The following DPP10 variants were observed in gnomAD, a reference collection of about 807,000 sequenced individuals.
The protein encoded by DPP10 is dipeptidyl peptidase like 10.
Under a neutral mutation model 120.9 loss-of-function variants are expected in DPP10, and 33 were observed. The ratio of observed to expected loss-of-function variants is 0.27; its 90% CI spans 0.21 to 0.37. The LOEUF is 0.37. Among genes scored for constraint, DPP10 ranks in the 10% least tolerant of loss-of-function variants. The pLI is 1.00. For missense variants in DPP10, 816 were observed against 942.8 expected, an observed-to-expected ratio of 0.87 and a Z score of 1.76; for synonymous variants, 337 against 326.1, an observed-to-expected ratio of 1.03 and a Z score of -0.36.
intron 1 of DPP10, among the ~76,000 whole-genome samples, chr2:115,182,585 T>A (rs907678291): frequency 6.6e-6 from 1 of 152,202 alleles, no homozygotes; most frequent in Non-Finnish European, 1.5e-5. Flanking sequence ...CTGTTCTCAG[T>A]GATCTAACCT....
intron 1 of DPP10, among the ~76,000 whole-genome samples, chr2:115,181,900 G>A (rs772565507): frequency 3.7e-4 from 56 of 152,082 alleles, no homozygotes; most frequent in Non-Finnish European, 6.3e-4. Flanking sequence ...GGATAAAAGC[G>A]ATGTCATGAT....
chr2:115,740,143 T>C (rs1000570920), intron 9 of DPP10, among the ~76,000 whole-genome samples: 1 of 152,074 alleles, frequency 6.6e-6, no homozygotes, highest in Non-Finnish European at 1.5e-5. Flanking sequence ...CTCACTTTTA[T>C]TTTTTCACAC....
At chr2:114,752,074 G>A (rs533025279) in intron 1 of DPP10, among the ~76,000 whole-genome samples, 1 of 152,292 alleles carries the variant, frequency 6.6e-6, no homozygotes, top group South Asian at 2.1e-4. Flanking sequence ...GTTGTCTGGG[G>A]TGGGGCCAGG....
At chr2:115,419,788 G>T (rs566064475) in intron 3 of DPP10, among the ~76,000 whole-genome samples, 1 of 152,034 alleles carries the variant, frequency 6.6e-6, no homozygotes, top group Admixed American at 6.6e-5. Flanking sequence ...CTACAGAAAA[G>T]AAAGAACTAA....
chr2:115,084,291 A>T (rs554960572), intron 1 of DPP10, among the ~76,000 whole-genome samples: 2 of 152,352 alleles, frequency 1.3e-5, no homozygotes, highest in South Asian at 4.1e-4. Flanking sequence ...ACAAAAACAC[A>T]TAATAATGCG....
At chr2:114,875,561 A>G (rs1261768735) in intron 1 of DPP10, among the ~76,000 whole-genome samples, 3 of 152,116 alleles carry the variant, frequency 2.0e-5, no homozygotes, top group East Asian at 3.9e-4. Context: ...GAAAAATAAC[A>G]AATTTTGAGA....
chr2:115,577,650 GTCAAGGTGCCCACAGGGTTGGTGTCTTT>G (rs2081758566), intron 5 of DPP10, among the ~76,000 whole-genome samples: 1 of 152,116 alleles, frequency 6.6e-6, no homozygotes, highest in African/African-American at 2.4e-5. Flanking sequence ...GAAGTTTAAG[GTCAAGGTGCCCACAGGGTTGGTGTCTTT>G]TCAAGGTGCC....
rs149846021 is a variant in DPP10, at chr2:114,571,100, C to T, written c.60+128262C>T. 9.2e-4 allele frequency among the ~76,000 whole-genome samples: 140 copies of T among 152,088 alleles called. 1 individual carries two copies. The highest frequency in any genetic ancestry group is 7.5e-3 in the Admixed American group (115 of 15,272). ...TAAATAAGAACAGTTTGGGGTGATA[C>T]TTGATTTTGTTTGGATTCGTGCCCC... On this transcript the variant is annotated intron_variant, in intron 1 of 25. Coordinates refer to ENST00000410059, the MANE Select transcript of DPP10 (RefSeq NM_020868.6).
intron 1 of DPP10, among the ~76,000 whole-genome samples, chr2:114,866,870 G>C (rs898903989): frequency 6.6e-6 from 1 of 152,172 alleles, no homozygotes; most frequent in African/African-American, 2.4e-5. Context: ...TATATCTAAG[G>C]CTAGTTAATA....
chr2:114,607,009 G>A (rs1692866103), intron 1 of DPP10, among the ~76,000 whole-genome samples: 1 of 152,164 alleles, frequency 6.6e-6, no homozygotes. Context: ...AGCACTGACA[G>A]GATGATGGAG....
At chr2:114,593,890 C>A (rs541896238) in intron 1 of DPP10, among the ~76,000 whole-genome samples, 1 of 152,258 alleles carries the variant, frequency 6.6e-6, no homozygotes, top group South Asian at 2.1e-4. Context: ...AGTGCCTTTG[C>A]CTCACTGCTG....
intron 1 of DPP10, among the ~76,000 whole-genome samples, chr2:114,838,656 C>T (rs72832420): frequency 1.6e-3 from 242 of 152,026 alleles, no homozygotes; most frequent in Non-Finnish European, 3.0e-3. Context: ...TTTAAAATAC[C>T]GAAAGGTATA....
chr2:114,962,350 A>G (rs1404636052), intron 1 of DPP10, among the ~76,000 whole-genome samples: 1 of 152,218 alleles, frequency 6.6e-6, no homozygotes, highest in Admixed American at 6.5e-5. Context: ...ATATGTTTCC[A>G]AATAGGTCAT....
At chr2:114,993,944 T>C (rs1205799215) in intron 1 of DPP10, among the ~76,000 whole-genome samples, 1 of 152,136 alleles carries the variant, frequency 6.6e-6, no homozygotes, top group East Asian at 1.9e-4. Flanking sequence ...TTCCGTCATC[T>C]CCATTTTCTC....
At chr2:114,465,470 C>A (rs1038374356) in intron 1 of DPP10, among the ~76,000 whole-genome samples, 1 of 152,152 alleles carries the variant, frequency 6.6e-6, no homozygotes, top group Non-Finnish European at 1.5e-5. Flanking sequence ...CCTATTGATA[C>A]AATTTCCCTG....
At chr2:115,311,911 C>T (rs1434550909) in intron 2 of DPP10, among the ~76,000 whole-genome samples, 2 of 151,866 alleles carry the variant, frequency 1.3e-5, no homozygotes, top group African/African-American at 4.8e-5. Flanking sequence ...GACCACCATG[C>T]CTGGTTATGT....
At chr2:115,650,664 T>C (rs1292915425) in intron 5 of DPP10, among the ~76,000 whole-genome samples, 1 of 152,048 alleles carries the variant, frequency 6.6e-6, no homozygotes, top group Non-Finnish European at 1.5e-5. Flanking sequence ...ACATGTGGTC[T>C]CTACTTGGTC....
At chr2:115,510,306 A>G (rs1220790903) in intron 4 of DPP10, among the ~76,000 whole-genome samples, 3 of 152,278 alleles carry the variant, frequency 2.0e-5, no homozygotes, top group Admixed American at 6.5e-5. Flanking sequence ...GTTTAGTTCT[A>G]TGATACATTT....
intron 1 of DPP10, among the ~76,000 whole-genome samples, chr2:114,513,632 A>AAAG (rs1299685079): frequency 6.6e-6 from 1 of 151,726 alleles, no homozygotes; most frequent in Non-Finnish European, 1.5e-5. Flanking sequence ...AAAAAGAAAG[A>AAAG]AAGAAAGAAA....
Sources: gnomAD v4.1 joint callset for allele counts (sites outside exome capture counted in the v4.1 genomes callset) on GRCh38, gnomAD v4.1.1 for gene constraint, MANE v1.5 for transcripts, NCBI Gene and HGNC (gene_info 2026-07-23, HGNC 2026-07-21) for gene names.